Variants in CNRIP1 observed in about 807,000 individuals in gnomAD.
CNRIP1 encodes CB1 cannabinoid receptor-interacting protein 1.
A neutral mutation model predicts 15.2 loss-of-function variants in CNRIP1; 10 were observed. The ratio of observed to expected loss-of-function variants is 0.66; its 90% CI spans 0.41 to 1.12. The LOEUF is 1.12. Ranked by LOEUF, CNRIP1 falls within the 50% of genes most tolerant of loss-of-function variation. CNRIP1 has a pLI of 0.00. For missense variants in CNRIP1, 211 were observed against 214.7 expected, an observed-to-expected ratio of 0.98 and a Z score of 0.11; for synonymous variants, 91 against 83.2, an observed-to-expected ratio of 1.09 and a Z score of -0.51.
At chr2:68,303,622 T>C (rs1218533861) in intron 2 of CNRIP1, among the ~76,000 whole-genome samples, 1 of 152,270 alleles carries the variant, frequency 6.6e-6, no homozygotes, top group African/African-American at 2.4e-5. Context: ...TCAAAACTTC[T>C]TCCTATTTGG....
At chr2:68,315,629 T>C (rs1457607287) in intron 2 of CNRIP1, among the ~76,000 whole-genome samples, 1 of 152,054 alleles carries the variant, frequency 6.6e-6, no homozygotes, top group South Asian at 2.1e-4. Context: ...ATATTTGACA[T>C]TGAAAGATGT....
Position 68,319,522 on chromosome 2 carries a change from T to C in CNRIP1, c.-122A>G. On this transcript the variant is annotated 5_prime_UTR_variant, in exon 1 of 3. Transcript: ENST00000263655. ...GGGAGGGTGAGGGAGGTGGTGGAGC[T>C]GAGGCTGCCGCTAGGAACCCGCGCC... The C allele has an allele frequency of 9.4e-7, 1 of 1,068,294 alleles. No homozygotes were observed. The highest frequency in any genetic ancestry group is 1.3e-6 in the Non-Finnish European group (1 of 785,078). The allele number at this position is 1,068,294 out of a possible 1,614,324, so 66.2% of individuals were successfully genotyped here.
intron 2 of CNRIP1, among the ~76,000 whole-genome samples, chr2:68,303,093 C>T (rs557466307): frequency 7.7e-5 from 11 of 142,984 alleles, no homozygotes; most frequent in East Asian, 6.3e-4. Flanking sequence ...GTGATCCACC[C>T]GCCTTGGCCC....
chr2:68,319,455 G>C lies in CNRIP1; in HGVS notation c.-55C>G. On this transcript the variant is annotated 5_prime_UTR_variant, in exon 1 of 3. Transcript: ENST00000263655. The stretch of plus-strand genomic sequence containing the variant: ...CGGGGGGCGGAGGACAGCGCCGGCT[G>C]CGGCCGAGTGGCTGGAGCGCGAGGG... 5 of 1,441,686 alleles carry C rather than the reference G, an allele frequency of 3.5e-6. No homozygotes were observed. The highest frequency in any genetic ancestry group is 4.6e-6 in the Non-Finnish European group (5 of 1,097,036). 89.3% of individuals were successfully genotyped at this position (1,441,686 alleles called of 1,614,324 possible).
rs114337196 is a variant in CNRIP1, at chr2:68,309,132, T to A, written c.330+8025A>T. ...TTTCTTAGAGCAAACTTTCATAACC[T>A]TTGAAAGCCCAGTGTCAATGTGCAA... On this transcript the variant is annotated intron_variant, in intron 2 of 2. Transcript: ENST00000263655. Among the ~76,000 whole-genome samples, 517 of 152,342 alleles carry A rather than the reference T, an allele frequency of 3.4e-3. 3 individuals carry two copies. The highest frequency in any genetic ancestry group is 5.9e-3 in the Non-Finnish European group (400 of 68,020).
chr2:68,287,983 A>G (rs1353451450), intron 2 of CNRIP1, among the ~76,000 whole-genome samples: 1 of 152,172 alleles, frequency 6.6e-6, no homozygotes, highest in Admixed American at 6.5e-5. Flanking sequence ...TCCTTCTTTT[A>G]GTCTCCTTTA....
chr2:68,294,116 A>C (rs878983069), intron 2 of CNRIP1, 90 bp from the exon 3 acceptor site: 2 of 1,360,228 alleles, frequency 1.5e-6, no homozygotes, highest in South Asian at 2.7e-5. Flanking sequence ...CTCCTGGATA[A>C]TCAAGCAGAC....
At chr2:68,303,126 G>C (rs909341258) in intron 2 of CNRIP1, among the ~76,000 whole-genome samples, 4 of 152,068 alleles carry the variant, frequency 2.6e-5, no homozygotes, top group Non-Finnish European at 5.9e-5. Context: ...GATTACAGGC[G>C]TGAGTCACCG....
downstream of CNRIP1, among the ~76,000 whole-genome samples, chr2:68,292,413 A>G (rs762928025): frequency 2.0e-5 from 3 of 152,204 alleles, no homozygotes; most frequent in Non-Finnish European, 4.4e-5. Context: ...CAGTTCTACA[A>G]TGAATCAACT....
intron 2 of CNRIP1, among the ~76,000 whole-genome samples, chr2:68,286,331 C>A (rs986793693): frequency 2.6e-5 from 4 of 152,034 alleles, no homozygotes; most frequent in African/African-American, 9.7e-5. Context: ...CACACACACA[C>A]ACACACACAC....
At chr2:68,308,966 T>G (rs1447174996) in intron 2 of CNRIP1, among the ~76,000 whole-genome samples, 1 of 152,084 alleles carries the variant, frequency 6.6e-6, no homozygotes, top group Non-Finnish European at 1.5e-5. Flanking sequence ...GAGAGAAATA[T>G]TCTCAGTTTC....
chr2:68,294,108 C>T, intron 2 of CNRIP1, 82 bp from the exon 3 acceptor site: 1 of 1,431,648 alleles, frequency 7.0e-7, no homozygotes, highest in Non-Finnish European at 9.6e-7. Context: ...TGATGTAGCT[C>T]CTGGATAATC....
At chr2:68,287,319 A>G (rs568702197) in intron 2 of CNRIP1, among the ~76,000 whole-genome samples, 1 of 152,358 alleles carries the variant, frequency 6.6e-6, no homozygotes, top group Non-Finnish European at 1.5e-5. Flanking sequence ...GATGGTTTAT[A>G]GAATAGTTTC....
downstream of CNRIP1, among the ~76,000 whole-genome samples, chr2:68,292,715 C>T (rs183848111): frequency 4.1e-4 from 62 of 152,294 alleles, 1 homozygote; most frequent in East Asian, 9.1e-3. Flanking sequence ...TCTCCTGCTA[C>T]TGAGTCACAT....
At chr2:68,299,012 C>A (rs1671496310) in intron 2 of CNRIP1, among the ~76,000 whole-genome samples, 1 of 152,144 alleles carries the variant, frequency 6.6e-6, no homozygotes, top group Admixed American at 6.5e-5. Context: ...TTATGTGATA[C>A]TTTCACATAC....
At chr2:68,303,099 G>C (rs890066156) in intron 2 of CNRIP1, among the ~76,000 whole-genome samples, 3 of 143,058 alleles carry the variant, frequency 2.1e-5, no homozygotes, top group African/African-American at 5.0e-5. Flanking sequence ...CACCCGCCTT[G>C]GCCCCCAAAG....
intron 2 of CNRIP1, among the ~76,000 whole-genome samples, chr2:68,314,902 A>G (rs1431232134): frequency 6.6e-6 from 1 of 152,130 alleles, no homozygotes; most frequent in African/African-American, 2.4e-5. Flanking sequence ...CTAAAATTTA[A>G]CAAATGAGAC....
intron 2 of CNRIP1, among the ~76,000 whole-genome samples, chr2:68,285,668 A>AAAAAAAGAAAAGAAAAG (rs539747999): frequency 4.2e-4 from 52 of 124,454 alleles, no homozygotes; most frequent in African/African-American, 1.3e-3. Context: ...AAAAAAAAAA[A>AAAAAAAGAAAAGAAAAG]AAAAGAAAAG....
At chr2:68,311,900 A>G in intron 2 of CNRIP1, among the ~76,000 whole-genome samples, 1 of 152,086 alleles carries the variant, frequency 6.6e-6, no homozygotes, top group East Asian at 1.9e-4. Context: ...ATAAAGTTGA[A>G]AATTTAATTG....
Sources: gnomAD v4.1 joint callset for allele counts (sites outside exome capture counted in the v4.1 genomes callset) on GRCh38, gnomAD v4.1.1 for gene constraint, MANE v1.5 for transcripts, NCBI Gene and HGNC (gene_info 2026-07-23, HGNC 2026-07-21) for gene names.